FAXDC2: variants seen among roughly 807,000 people sequenced by gnomAD.
FAXDC2 encodes fatty acid hydroxylase domain-containing protein 2.
A neutral mutation model predicts 40.9 loss-of-function variants in FAXDC2; 41 were observed. That is an observed-to-expected ratio of 1.00 (90% CI 0.78 to 1.30). The LOEUF is 1.30. Among genes scored for constraint, FAXDC2 ranks in the 50% most tolerant of loss-of-function variants. The probability of loss-of-function intolerance (pLI) is 0.00; values close to 1 mark genes in which losing one functional copy is unlikely to be tolerated. For synonymous variants in FAXDC2, 157 were observed against 149.3 expected (o/e 1.05, Z -0.38); for missense variants, 390 against 408.8 (o/e 0.95, Z 0.40).
chr5:154,849,046 G>T (rs1169139265), intron 1 of FAXDC2, among the ~76,000 whole-genome samples: 1 of 151,572 alleles, frequency 6.6e-6, no homozygotes, highest in African/African-American at 2.4e-5. Context: ...TTGGGAGGCC[G>T]AGGTGGGTAG....
chr5:154,842,356 C>G (rs1213410953), intron 1 of FAXDC2, among the ~76,000 whole-genome samples: 2 of 151,150 alleles, frequency 1.3e-5, no homozygotes, highest in Admixed American at 6.6e-5. Flanking sequence ...CACCACCATG[C>G]CCGGCTAATT....
At chr5:154,824,392 CTG>C (rs749786314) in intron 5 of FAXDC2, 14 of 673,826 alleles carry the variant, frequency 2.1e-5, no homozygotes, top group Middle Eastern at 2.4e-4. Flanking sequence ...CAAGTTCCCT[CTG>C]TGAGCTGGAG....
At chr5:154,822,319 T>C in intron 7 of FAXDC2, 153 bp downstream of exon 7, 2 of 654,984 alleles carry the variant, frequency 3.1e-6, no homozygotes, top group Non-Finnish European at 5.5e-6. Flanking sequence ...GCACTTAACA[T>C]AGCCTGGCAT....
At chr5:154,842,659 AT>A (rs775408034) in intron 1 of FAXDC2, among the ~76,000 whole-genome samples, 13 of 142,806 alleles carry the variant, frequency 9.1e-5, no homozygotes, top group Non-Finnish European at 1.5e-4. Flanking sequence ...AGTAGCTGGG[AT>A]TACAGGCACG....
Position 154,828,905 on chromosome 5 carries a change from G to A in FAXDC2, c.366+1896C>T, listed in dbSNP as rs115589111. On this transcript the variant is annotated intron_variant, in intron 5 of 8. Transcript: ENST00000326080. The stretch of plus-strand genomic sequence containing the variant: ...CCTGAGCCACTGTGCCCCAGCCTGC[G>A]TAAATTTTCTTTTTTTCTTTTTTTT... 2.0e-3 allele frequency among the ~76,000 whole-genome samples: 274 copies of A among 138,820 alleles called. 2 individuals carry two copies. The highest frequency in any genetic ancestry group is 7.1e-3 in the African/African-American group (257 of 36,250). 91.1% of individuals were successfully genotyped at this position (138,820 alleles called of 152,430 possible).
At chr5:154,830,687 T>C in intron 5 of FAXDC2, 114 bp downstream of exon 5, 2 of 1,247,422 alleles carry the variant, frequency 1.6e-6, no homozygotes, top group Non-Finnish European at 2.3e-6. Flanking sequence ...GCCTTGTTGC[T>C]AATAACTTGG....
At chr5:154,823,854 C>G (rs1561652072) in intron 5 of FAXDC2, 1 of 471,422 alleles carries the variant, frequency 2.1e-6, no homozygotes, top group African/African-American at 2.0e-5. Flanking sequence ...CTTCCTGGTT[C>G]TGCACATTAT....
At chr5:154,823,808 C>A in intron 5 of FAXDC2, 1 of 543,118 alleles carries the variant, frequency 1.8e-6, no homozygotes, top group East Asian at 3.2e-5. Context: ...TCCTTGGAAA[C>A]TTCAGCAGCC....
chr5:154,847,875 T>A (rs1468641711), intron 1 of FAXDC2, among the ~76,000 whole-genome samples: 1 of 151,398 alleles, frequency 6.6e-6, no homozygotes, highest in East Asian at 1.9e-4. Context: ...AGTCTTGCTC[T>A]GTCACCCAGG....
chr5:154,840,756 G>T (rs1003149343), intron 1 of FAXDC2, among the ~76,000 whole-genome samples: 24 of 152,094 alleles, frequency 1.6e-4, no homozygotes, highest in African/African-American at 5.1e-4. Flanking sequence ...TTACTACATT[G>T]CCCAGGCTGA....
At chr5:154,824,955 C>T (rs1024650786) in intron 5 of FAXDC2, among the ~76,000 whole-genome samples, 1 of 150,726 alleles carries the variant, frequency 6.6e-6, no homozygotes, top group Admixed American at 6.7e-5. Flanking sequence ...TGGTGGTGTG[C>T]ACCTGTAGTC....
Position 154,834,831 on chromosome 5 carries a change from G to A in FAXDC2, c.140+12C>T. The stretch of plus-strand genomic sequence containing the variant: ...CACCACACTGCACCCTAGCTGGGTG[G>A]AGCCGACTTACCATGTCACTGAGTT... On this transcript the variant is annotated intron_variant, in intron 3 of 8. Coordinates refer to ENST00000326080, the MANE Select transcript of FAXDC2 (RefSeq NM_032385.5). The A allele has an allele frequency of 5.0e-6, 8 of 1,608,658 alleles. No individual in the cohort carries two copies. The highest frequency in any genetic ancestry group is 6.8e-6 in the Non-Finnish European group (8 of 1,176,414).
At chr5:154,828,070 G>A (rs566680910) in intron 5 of FAXDC2, among the ~76,000 whole-genome samples, 9 of 151,210 alleles carry the variant, frequency 6.0e-5, no homozygotes, top group African/African-American at 1.7e-4. Context: ...GGCTGGTCTC[G>A]AACTCCTGGG....
intron 4 of FAXDC2, 135 bp downstream of exon 4, chr5:154,834,489 CA>C (rs1760268957): frequency 1.5e-6 from 1 of 650,988 alleles, no homozygotes; most frequent in East Asian, 2.8e-5. Flanking sequence ...TTGGGACTAC[CA>C]CTTTTTTGAA....
intron 1 of FAXDC2, among the ~76,000 whole-genome samples, chr5:154,842,406 A>G (rs921979094): frequency 1.4e-5 from 2 of 139,368 alleles, no homozygotes; most frequent in African/African-American, 5.4e-5. Context: ...GGGTTTCACC[A>G]TATTGGCCAG....
chr5:154,832,442 C>T (rs1378979793), intron 4 of FAXDC2, among the ~76,000 whole-genome samples: 1 of 152,166 alleles, frequency 6.6e-6, no homozygotes, highest in African/African-American at 2.4e-5. Context: ...ACCTCATGAT[C>T]CGCCTGCCTC....
chr5:154,828,829 A>G (rs751110436), intron 5 of FAXDC2, among the ~76,000 whole-genome samples: 3 of 147,854 alleles, frequency 2.0e-5, no homozygotes, highest in Non-Finnish European at 3.0e-5. Context: ...TTGAACTCCT[A>G]GCATCAAGCG....
intron 2 of FAXDC2, chr5:154,835,144 A>T (rs1760310737): frequency 3.9e-6 from 2 of 511,934 alleles, no homozygotes; most frequent in Admixed American, 6.8e-5. Context: ...GTTTATGAAA[A>T]TTAGAGCTCA....
intron 6 of FAXDC2, 185 bp downstream of exon 6, chr5:154,823,202 C>T (rs1759931519): frequency 3.4e-6 from 2 of 591,490 alleles, no homozygotes; most frequent in Non-Finnish European, 6.0e-6. Context: ...TTTGTAGAGA[C>T]GGGGTCTCCT....
Sources: gnomAD v4.1 joint callset for allele counts (sites outside exome capture counted in the v4.1 genomes callset) on GRCh38, gnomAD v4.1.1 for gene constraint, MANE v1.5 for transcripts, NCBI Gene and HGNC (gene_info 2026-07-23, HGNC 2026-07-21) for gene names.